The following CNTNAP2 variants were observed in gnomAD, a reference collection of about 807,000 sequenced individuals.
The protein encoded by CNTNAP2 is contactin-associated protein-like 2.
In CNTNAP2, 98 loss-of-function variants were observed where a neutral mutation model predicts 155.2. The ratio of observed to expected loss-of-function variants is 0.63; its 90% CI spans 0.54 to 0.75. CNTNAP2 has a LOEUF of 0.75. Among genes scored for constraint, CNTNAP2 ranks in the 30% least tolerant of loss-of-function variants. The probability of loss-of-function intolerance (pLI) is 0.00; values close to 1 mark genes in which losing one functional copy is unlikely to be tolerated. For missense variants in CNTNAP2, 1,727 were observed against 1,688.1 expected (o/e 1.02, Z -0.40); for synonymous variants, 651 against 631.2 (o/e 1.03, Z -0.47).
intron 1 of CNTNAP2, among the ~76,000 whole-genome samples, chr7:146,506,036 A>G (rs1210487214): frequency 3.3e-5 from 5 of 152,178 alleles, no homozygotes; most frequent in Admixed American, 6.5e-5. Context: ...ATGTCCATCC[A>G]TTGTGCCCAC....
chr7:147,570,709 A>T (rs1465762456), intron 12 of CNTNAP2, among the ~76,000 whole-genome samples: 1 of 152,174 alleles, frequency 6.6e-6, no homozygotes, highest in Non-Finnish European at 1.5e-5. Flanking sequence ...TTTGATGATG[A>T]AACTAGAGCT....
intron 18 of CNTNAP2, among the ~76,000 whole-genome samples, chr7:148,181,451 T>A (rs1795036740): frequency 6.6e-6 from 1 of 152,100 alleles, no homozygotes; most frequent in Non-Finnish European, 1.5e-5. Flanking sequence ...AAGAAAATAA[T>A]TTTGACTTAA....
intron 10 of CNTNAP2, among the ~76,000 whole-genome samples, chr7:147,428,251 A>G (rs1045384085): frequency 6.6e-6 from 1 of 152,182 alleles, no homozygotes; most frequent in African/African-American, 2.4e-5. Context: ...CACTTTGCCT[A>G]AGGCTTGAGC....
At chr7:146,236,551 G>C (rs1426934904) in intron 1 of CNTNAP2, among the ~76,000 whole-genome samples, 2 of 152,056 alleles carry the variant, frequency 1.3e-5, no homozygotes, top group East Asian at 3.9e-4. Context: ...CATCATCTGA[G>C]GCTAGGTTGT....
chr7:147,777,786 ATC>A (rs1272471535), intron 13 of CNTNAP2, among the ~76,000 whole-genome samples: 1 of 152,154 alleles, frequency 6.6e-6, no homozygotes, highest in African/African-American at 2.4e-5. Context: ...CAAATAACCA[ATC>A]TTTTTCTCAT....
At chr7:147,788,265 A>G (rs970712183) in intron 13 of CNTNAP2, among the ~76,000 whole-genome samples, 1 of 152,220 alleles carries the variant, frequency 6.6e-6, no homozygotes, top group African/African-American at 2.4e-5. Context: ...AAACTGTCCT[A>G]GTCAAATTTT....
At chr7:146,879,071 G>A (rs531555453) in intron 3 of CNTNAP2, among the ~76,000 whole-genome samples, 1 of 152,266 alleles carries the variant, frequency 6.6e-6, no homozygotes, top group East Asian at 1.9e-4. Context: ...TGCTCCATAA[G>A]TATGTGTGGA....
At chr7:148,398,416 G>T (rs1255563781) in intron 22 of CNTNAP2, among the ~76,000 whole-genome samples, 1 of 152,182 alleles carries the variant, frequency 6.6e-6, no homozygotes, top group Non-Finnish European at 1.5e-5. Flanking sequence ...AGATACCGAG[G>T]TTCCAGCAGA....
intron 13 of CNTNAP2, chr7:147,672,221 C>A (rs1175182278): frequency 6.6e-6 from 1 of 152,056 alleles, no homozygotes; most frequent in African/African-American, 2.4e-5. Flanking sequence ...GTTCTTAATA[C>A]CCAAAAGTTA....
At chr7:147,366,067 T>C (rs1584902523) in intron 9 of CNTNAP2, among the ~76,000 whole-genome samples, 2 of 152,236 alleles carry the variant, frequency 1.3e-5, no homozygotes, top group East Asian at 3.8e-4. Flanking sequence ...TTTCATTAGA[T>C]TCTCCTGGGT....
At chr7:147,112,207 T>C (rs1470008149) in intron 5 of CNTNAP2, among the ~76,000 whole-genome samples, 1 of 152,194 alleles carries the variant, frequency 6.6e-6, no homozygotes, top group Non-Finnish European at 1.5e-5. Context: ...ATGCTTGTGA[T>C]TTTTATACAT....
At chr7:146,468,465 A>G (rs1796747671) in intron 1 of CNTNAP2, among the ~76,000 whole-genome samples, 2 of 152,068 alleles carry the variant, frequency 1.3e-5, no homozygotes, top group South Asian at 2.1e-4. Context: ...AAAGAAGACA[A>G]TGATCTGGGT....
At chr7:146,550,411 T>TGTTTG (rs1554447407) in intron 1 of CNTNAP2, among the ~76,000 whole-genome samples, 1 of 115,484 alleles carries the variant, frequency 8.7e-6, no homozygotes, top group Non-Finnish European at 2.0e-5. Context: ...GTTTTTTTTT[T>TGTTTG]TTTTTTTTTT....
intron 1 of CNTNAP2, among the ~76,000 whole-genome samples, chr7:146,772,583 C>T (rs1004380665): frequency 6.6e-6 from 1 of 151,558 alleles, no homozygotes; most frequent in African/African-American, 2.4e-5. Context: ...GCAGGTGAAT[C>T]GCTTGAACCC....
chr7:147,961,005 C>T (rs1348455521), intron 14 of CNTNAP2, among the ~76,000 whole-genome samples: 1 of 152,108 alleles, frequency 6.6e-6, no homozygotes, highest in African/African-American at 2.4e-5. Context: ...GAGGTAATTG[C>T]ATATAGATTA....
chr7:147,087,803 C>T (rs958842567), intron 4 of CNTNAP2, among the ~76,000 whole-genome samples: 3 of 151,994 alleles, frequency 2.0e-5, no homozygotes, highest in Non-Finnish European at 4.4e-5. Flanking sequence ...TGGTGAAACC[C>T]CATCTCTACT....
chr7:147,641,668 G>T (rs1044334812), intron 13 of CNTNAP2, among the ~76,000 whole-genome samples: 2 of 151,976 alleles, frequency 1.3e-5, no homozygotes, highest in Non-Finnish European at 2.9e-5. Flanking sequence ...CATAATGGTG[G>T]GGTCCTAGTC....
intron 13 of CNTNAP2, among the ~76,000 whole-genome samples, chr7:147,740,504 G>A (rs557251517): frequency 2.0e-5 from 3 of 152,172 alleles, no homozygotes; most frequent in African/African-American, 7.2e-5. Context: ...ATTGTCAGAT[G>A]TAACAAAGAC....
At chr7:147,626,310 G>A (rs1367088067) in intron 12 of CNTNAP2, among the ~76,000 whole-genome samples, 1 of 151,978 alleles carries the variant, frequency 6.6e-6, no homozygotes, top group Non-Finnish European at 1.5e-5. Flanking sequence ...TTGGGGCACT[G>A]TGGGAGTGAG....
Sources: gnomAD v4.1 joint callset for allele counts (sites outside exome capture counted in the v4.1 genomes callset) on GRCh38, gnomAD v4.1.1 for gene constraint, MANE v1.5 for transcripts, NCBI Gene and HGNC (gene_info 2026-07-23, HGNC 2026-07-21) for gene names.